The following CD33 variants were observed in gnomAD, a reference collection of about 807,000 sequenced individuals.
The protein encoded by CD33 is myeloid cell surface antigen CD33.
In CD33, 25 loss-of-function variants were observed where a neutral mutation model predicts 31.4. That is an observed-to-expected ratio of 0.80 (90% confidence interval 0.58 to 1.11). CD33 has a LOEUF of 1.11. CD33 is among the 50% of genes most tolerant of loss of function. CD33 has a pLI of 0.00. For missense variants in CD33, 407 were observed against 448.1 expected (o/e 0.91, Z 0.83); for synonymous variants, 176 against 180.6 (o/e 0.97, Z 0.20).
chr19:51,225,671 C>T, intron 2 of CD33, 73 bp downstream of exon 2: 6 of 1,531,896 alleles, frequency 3.9e-6, no homozygotes, highest in Non-Finnish European at 5.3e-6. Flanking sequence ...GGATGGGACC[C>T]TGGTACTGGG....
the CD33 span, among the ~76,000 whole-genome samples, chr19:51,218,658 G>A: frequency 6.6e-6 from 1 of 152,114 alleles, no homozygotes; most frequent in Non-Finnish European, 1.5e-5. Flanking sequence ...ATAGTTTCAG[G>A]TCTTACATCT....
intron 6 of CD33, 72 bp downstream of exon 6, chr19:51,235,748 C>T: frequency 1.7e-6 from 2 of 1,198,914 alleles, no homozygotes; most frequent in South Asian, 2.6e-5. Context: ...CACCGTCATG[C>T]CCCATTCAGC....
At chr19:51,227,423 G>T (rs1187591022) in intron 4 of CD33, among the ~76,000 whole-genome samples, 1 of 152,140 alleles carries the variant, frequency 6.6e-6, no homozygotes, top group African/African-American at 2.4e-5. Context: ...CCCAACTGGG[G>T]TGATGTTACC....
intron 4 of CD33, among the ~76,000 whole-genome samples, chr19:51,232,062 C>G (rs752321555): frequency 6.6e-6 from 1 of 152,028 alleles, no homozygotes; most frequent in Non-Finnish European, 1.5e-5. Flanking sequence ...CTGTGCCTGG[C>G]CCCTTGAGCA....
the CD33 span, chr19:51,212,220 T>C: frequency 3.2e-6 from 1 of 316,938 alleles, no homozygotes; most frequent in Non-Finnish European, 6.1e-6. Flanking sequence ...TCTCTCTACA[T>C]TTCTGTGGCT....
At chr19:51,211,592 A>C in the CD33 span, 5 of 1,500,504 alleles carry the variant, frequency 3.3e-6, no homozygotes, top group Non-Finnish European at 4.5e-6. Context: ...GTGACAGGTG[A>C]GGCACAGGCT....
chr19:51,235,804 A>G (rs748333262), intron 6 of CD33, 128 bp downstream of exon 6: 1 of 830,120 alleles, frequency 1.2e-6, no homozygotes, highest in Non-Finnish European at 2.0e-6. Flanking sequence ...TTAACAGTGT[A>G]GGTTTTAATA....
the CD33 span, among the ~76,000 whole-genome samples, chr19:51,218,278 G>A: frequency 1.0e-3 from 159 of 152,328 alleles, no homozygotes; most frequent in African/African-American, 3.7e-3. Flanking sequence ...CTGATGATTA[G>A]TGATGTTGAA....
At chr19:51,232,142 T>G (rs555782303) in intron 4 of CD33, among the ~76,000 whole-genome samples, 1 of 152,360 alleles carries the variant, frequency 6.6e-6, no homozygotes, top group Admixed American at 6.5e-5. Context: ...AATATTTTAT[T>G]TCTCCTTCTT....
At chr19:51,212,731 C>A in the CD33 span, among the ~76,000 whole-genome samples, 1 of 152,168 alleles carries the variant, frequency 6.6e-6, no homozygotes, top group Non-Finnish European at 1.5e-5. Context: ...AAGAACTTAA[C>A]AATGCACAGC....
upstream of CD33, among the ~76,000 whole-genome samples, chr19:51,222,010 G>A (rs1237880029): frequency 6.6e-6 from 1 of 152,136 alleles, no homozygotes; most frequent in African/African-American, 2.4e-5. Flanking sequence ...TAAGTGTGGA[G>A]GGAGGGTTGA....
chr19:51,212,588 T>G, the CD33 span, among the ~76,000 whole-genome samples: 2 of 135,682 alleles, frequency 1.5e-5, no homozygotes, highest in East Asian at 4.4e-4. Flanking sequence ...AAGGGCAGGG[T>G]GATATTCACA....
intron 4 of CD33, among the ~76,000 whole-genome samples, chr19:51,231,627 A>C (rs2123257570): frequency 1.4e-5 from 2 of 144,446 alleles, no homozygotes; most frequent in Middle Eastern, 3.7e-3. Context: ...TGTAGTGATA[A>C]GATTTGATTC....
rs555362730 is a variant in CD33 at position 51,225,452 on chromosome 19, G to A, written c.272G>A (p.Arg91His). 1.2e-5 allele frequency: 19 copies of A among 1,614,062 alleles called. No individual in the cohort carries two copies. The highest frequency in any genetic ancestry group is 1.2e-4 in the Admixed American group (7 of 60,016). Reference sequence around the variant, plus strand: ...CAGGAGGAGACTCAGGGCAGATTCCGCCTCCTTGGGGATCCCAGTAGGAAC... The same window carrying A: ...CAGGAGGAGACTCAGGGCAGATTCCACCTCCTTGGGGATCCCAGTAGGAAC... ...EVQEETQGRFRLLGDPSRNNC... is the reference protein window; with the variant it reads ...EVQEETQGRFHLLGDPSRNNC... Residue 91 changes from arginine to histidine, a missense_variant, in exon 2 of 7, where the codon CGC (arginine) becomes CAC (histidine). By Grantham distance (29) the Arg-to-His change is conservative. Transcript: ENST00000262262.
At chr19:51,225,717 G>C in intron 2 of CD33, 86 bp from the exon 3 acceptor site, 6 of 1,542,732 alleles carry the variant, frequency 3.9e-6, no homozygotes, top group Non-Finnish European at 5.3e-6. Flanking sequence ...TGCTTAGCGG[G>C]GGAGCTTGAC....
In CD33 at chr19:51,239,549, C is replaced by T; in HGVS notation, c.956C>T (p.Pro319Leu). 6.2e-7 allele frequency: 1 copy of T among 1,611,526 alleles called. No individual in the cohort carries two copies. The highest frequency in any genetic ancestry group is 8.5e-7 in the Non-Finnish European group (1 of 1,178,902). The change falls in exon 7 of 7, where the codon CCC (proline) becomes CTC (leucine). Residue 319 changes from proline to leucine, a missense_variant. Coordinates refer to ENST00000262262, the MANE Select transcript of CD33 (RefSeq NM_001772.4). The part of the protein sequence containing the change: ...KHQKKSKLHG[P>L]TETSSCSGAA... ...CAGAAGAAGTCCAAGTTACATGGCC[C>T]CACTGAAACCTCAAGCTGTTCAGGT...
chr19:51,238,403 T>A (rs974724862), intron 6 of CD33: 4 of 152,086 alleles, frequency 2.6e-5, no homozygotes, highest in African/African-American at 9.7e-5. Flanking sequence ...AATCGATGAA[T>A]CTACAAAGAA....
chr19:51,235,149 G>A lies in CD33; in HGVS notation c.746-8G>A, dbSNP rs775254049. The A allele has an allele frequency of 1.2e-6, 2 of 1,610,934 alleles. No homozygotes were observed. The highest frequency in any genetic ancestry group is 1.3e-5 in the African/African-American group (1 of 74,774). On this transcript the variant is annotated splice_region_variant and splice_polypyrimidine_tract_variant and intron_variant, in intron 4 of 6. Transcript: ENST00000262262. ...TTAGAATTCACCCCAAATCTTTTTT[G>A]TCTGCAGGGAAACAAGAGACCAGAG...
At chr19:51,211,779 G>A in the CD33 span, 66 of 807,492 alleles carry the variant, frequency 8.2e-5, no homozygotes, top group South Asian at 5.3e-4. Flanking sequence ...CTGCATCCCC[G>A]TTTCCTCACC....
Sources: gnomAD v4.1 joint callset for allele counts (sites outside exome capture counted in the v4.1 genomes callset) on GRCh38, gnomAD v4.1.1 for gene constraint, MANE v1.5 for transcripts, NCBI Gene and HGNC (gene_info 2026-07-23, HGNC 2026-07-21) for gene names.